The following SEMA3E variants were observed in gnomAD, a reference collection of about 807,000 sequenced individuals.
SEMA3E encodes the protein semaphorin 3E.
SEMA3E carries 49 observed loss-of-function variants against 93.6 expected under a neutral mutation model. That is an observed-to-expected ratio of 0.52 (90% CI 0.42 to 0.66). SEMA3E has a LOEUF of 0.66. Ranked by LOEUF, SEMA3E falls within the 30% of genes least tolerant of loss-of-function variation. The pLI, the probability that SEMA3E is intolerant of heterozygous loss-of-function variation, is 0.00. For missense variants in SEMA3E, 906 were observed against 964.8 expected, an observed-to-expected ratio of 0.94 and a Z score of 0.81; for synonymous variants, 363 against 330.7, an observed-to-expected ratio of 1.10 and a Z score of -1.06.
At chr7:83,541,515 T>C (rs1392105351) in intron 1 of SEMA3E, among the ~76,000 whole-genome samples, 1 of 152,158 alleles carries the variant, frequency 6.6e-6, no homozygotes, top group Non-Finnish European at 1.5e-5. Context: ...TTCTCTCCTC[T>C]GCTCAAGAAA....
intron 16 of SEMA3E, among the ~76,000 whole-genome samples, chr7:83,373,678 C>T (rs1794780268): frequency 6.6e-6 from 1 of 151,938 alleles, no homozygotes; most frequent in African/African-American, 2.4e-5. Context: ...AAAACCATAA[C>T]ATGTAAAACA....
At chr7:83,519,614 G>A (rs1791003891) in intron 1 of SEMA3E, among the ~76,000 whole-genome samples, 1 of 152,062 alleles carries the variant, frequency 6.6e-6, no homozygotes, top group African/African-American at 2.4e-5. Context: ...TTCAGACTGA[G>A]TAACTGCTGC....
intron 4 of SEMA3E, among the ~76,000 whole-genome samples, chr7:83,442,127 A>G (rs777005568): frequency 5.3e-5 from 8 of 152,226 alleles, no homozygotes; most frequent in Non-Finnish European, 7.3e-5. Flanking sequence ...GATAACCACT[A>G]TTGAAGATGT....
chr7:83,396,537 T>C (rs1788125342), intron 12 of SEMA3E, 101 bp downstream of exon 12: 2 of 707,612 alleles, frequency 2.8e-6, no homozygotes, highest in South Asian at 1.5e-5. Flanking sequence ...ATCCACAACA[T>C]ACCTGTTAGG....
At chr7:83,500,528 T>C (rs1790576505) in intron 1 of SEMA3E, among the ~76,000 whole-genome samples, 1 of 150,968 alleles carries the variant, frequency 6.6e-6, no homozygotes, top group Admixed American at 6.6e-5. Context: ...ATGCTTTCAG[T>C]AGTACAATAG....
At chr7:83,490,492 A>G (rs541300541) in intron 1 of SEMA3E, among the ~76,000 whole-genome samples, 1 of 152,040 alleles carries the variant, frequency 6.6e-6, no homozygotes, top group Admixed American at 6.6e-5. Flanking sequence ...TAAGAAAAAT[A>G]TTCTATATTT....
At chr7:83,428,374 G>C (rs1250468010) in intron 4 of SEMA3E, among the ~76,000 whole-genome samples, 2 of 152,118 alleles carry the variant, frequency 1.3e-5, no homozygotes. Flanking sequence ...TATTTTATTA[G>C]CTATTTCTAG....
intron 1 of SEMA3E, among the ~76,000 whole-genome samples, chr7:83,546,469 G>T (rs1457128617): frequency 6.6e-6 from 1 of 151,246 alleles, no homozygotes; most frequent in Non-Finnish European, 1.5e-5. Context: ...GGTAGCATGG[G>T]AGTAAGAACT....
At chr7:83,529,603 AC>A (rs1367059499) in intron 1 of SEMA3E, among the ~76,000 whole-genome samples, 22 of 152,168 alleles carry the variant, frequency 1.4e-4, no homozygotes, top group African/African-American at 5.3e-4. Flanking sequence ...GATCATTCAT[AC>A]TTGACTTTAG....
At chr7:83,507,766 C>G (rs368188573) in intron 1 of SEMA3E, among the ~76,000 whole-genome samples, 4 of 151,308 alleles carry the variant, frequency 2.6e-5, no homozygotes, top group East Asian at 3.9e-4. Context: ...AGTGAGACCT[C>G]ATCTCATCTC....
intron 12 of SEMA3E, among the ~76,000 whole-genome samples, chr7:83,395,651 T>C (rs192366083): frequency 2.4e-4 from 37 of 152,282 alleles, no homozygotes; most frequent in African/African-American, 8.9e-4. Flanking sequence ...GTGCCAAGAT[T>C]TTCACATGTC....
intron 3 of SEMA3E, among the ~76,000 whole-genome samples, chr7:83,468,039 C>T (rs370198516): frequency 6.6e-6 from 1 of 152,132 alleles, no homozygotes; most frequent in African/African-American, 2.4e-5. Flanking sequence ...CCCAGTATTA[C>T]TTGAAATCAA....
chr7:83,606,524 A>G (rs1793122057), intron 1 of SEMA3E, among the ~76,000 whole-genome samples: 2 of 146,646 alleles, frequency 1.4e-5, no homozygotes, highest in Non-Finnish European at 3.0e-5. Flanking sequence ...AAAAAACCAA[A>G]CACCGCATAT....
At chr7:83,388,046 C>T (rs1253049510) in intron 14 of SEMA3E, among the ~76,000 whole-genome samples, 2 of 148,028 alleles carry the variant, frequency 1.4e-5, no homozygotes, top group African/African-American at 2.5e-5. Flanking sequence ...CATGGTGGCT[C>T]ACGCCTGTAA....
At chr7:83,530,585 T>G (rs1203803249) in intron 1 of SEMA3E, among the ~76,000 whole-genome samples, 1 of 152,152 alleles carries the variant, frequency 6.6e-6, no homozygotes, top group Non-Finnish European at 1.5e-5. Context: ...TTTAAAAATA[T>G]TCAAGGTTTG....
At chr7:83,561,781 C>T (rs1308409491) in intron 1 of SEMA3E, among the ~76,000 whole-genome samples, 1 of 152,018 alleles carries the variant, frequency 6.6e-6, no homozygotes, top group Admixed American at 6.6e-5. Context: ...TTTAAGATAT[C>T]CTTTTACTCA....
At chr7:83,445,798 G>A (rs1348498411) in intron 4 of SEMA3E, among the ~76,000 whole-genome samples, 1 of 152,154 alleles carries the variant, frequency 6.6e-6, no homozygotes, top group Non-Finnish European at 1.5e-5. Flanking sequence ...CTTCATCTGA[G>A]AAGGGGAAAG....
chr7:83,537,325 C>G (rs1253710515), intron 1 of SEMA3E, among the ~76,000 whole-genome samples: 1 of 152,152 alleles, frequency 6.6e-6, no homozygotes, highest in Admixed American at 6.6e-5. Context: ...ATAAAAATAT[C>G]CATACCTACA....
At chr7:83,549,014 G>C (rs1056302000) in intron 1 of SEMA3E, among the ~76,000 whole-genome samples, 1 of 151,992 alleles carries the variant, frequency 6.6e-6, no homozygotes, top group Non-Finnish European at 1.5e-5. Flanking sequence ...AAGCCCAAAG[G>C]CCTGGCTACC....
Sources: allele counts gnomAD v4.1 joint callset (sites outside exome capture counted in the v4.1 genomes callset), GRCh38; gene constraint gnomAD v4.1.1; transcripts MANE v1.5; gene names NCBI Gene and HGNC (gene_info 2026-07-23, HGNC 2026-07-21).